CC2D2B: variants seen among roughly 807,000 people sequenced by gnomAD.
CC2D2B encodes the protein protein CC2D2B.
A neutral mutation model predicts 161.2 loss-of-function variants in CC2D2B; 128 were observed. The observed-to-expected ratio is 0.79, with a 90% confidence interval of 0.69 to 0.92. CC2D2B has a LOEUF of 0.92. Ranked by LOEUF, CC2D2B falls within the 40% of genes least tolerant of loss-of-function variation. CC2D2B has a pLI of 0.00. For missense variants in CC2D2B, 1,173 were observed against 1,375.1 expected, an observed-to-expected ratio of 0.85 and a Z score of 2.32; for synonymous variants, 391 against 449.8, an observed-to-expected ratio of 0.87 and a Z score of 1.65.
intron 24 of CC2D2B, among the ~76,000 whole-genome samples, chr10:95,997,289 T>C (rs1452841610): frequency 1.3e-5 from 2 of 152,230 alleles, no homozygotes; most frequent in African/African-American, 4.8e-5. Context: ...ACAAGCAATA[T>C]TGCTTTGAAC....
At chr10:95,993,952 GTA>G (rs1169560460) in intron 22 of CC2D2B, among the ~76,000 whole-genome samples, 63 of 18,150 alleles carry the variant, frequency 3.5e-3, no homozygotes, top group Non-Finnish European at 5.8e-3. Context: ...GTATGTATGT[GTA>G]TATATATATA....
chr10:95,981,350 G>A (rs753256634), intron 17 of CC2D2B, among the ~76,000 whole-genome samples: 19 of 140,734 alleles, frequency 1.4e-4, no homozygotes, highest in Admixed American at 5.4e-4. Context: ...CCGGGATCGC[G>A]CCACCGCACT....
At chr10:96,022,080 G>T (rs1374363071) in intron 32 of CC2D2B, among the ~76,000 whole-genome samples, 1 of 152,202 alleles carries the variant, frequency 6.6e-6, no homozygotes, top group Non-Finnish European at 1.5e-5. Context: ...CACTTTGGGA[G>T]GCTGAGGCAG....
Position 96,019,715 on chromosome 10 carries a change from T to G in CC2D2B, c.3779T>G (p.Ile1260Ser), listed in dbSNP as rs764293033. Residue 1260 changes from isoleucine to serine, a missense_variant, in exon 32 of 35, where the codon ATT becomes AGT. Physicochemically the swap from Ile to Ser is moderately radical, Grantham distance 142 (BLOSUM62 -2). Transcript: ENST00000646931. The stretch of plus-strand genomic sequence containing the variant: ...ATGTTTTCATAGGTCTGGTTTAATA[T>G]TCAACAAAATAATACACCAATGGCT... ...LFDDRNVWFN[I>S]QQNNTPMAVF... is the part of the protein sequence containing the mutation. 6.8e-5 allele frequency: 108 copies of G among 1,592,708 alleles called. 1 individual carries two copies. In the South Asian group the frequency reaches 1.2e-3, roughly 17 times the overall value.
chr10:96,029,280 A>ATG (rs2079946387), intron 34 of CC2D2B, among the ~76,000 whole-genome samples: 4 of 50,940 alleles, frequency 7.9e-5, no homozygotes, highest in East Asian at 1.2e-3. Flanking sequence ...ATATATATAT[A>ATG]TATATGTATA....
Position 95,972,121 on chromosome 10 carries a change from C to A in CC2D2B, c.1700C>A (p.Pro567His). The change falls in exon 16 of 35, where the codon CCT becomes CAT. Residue 567 changes from proline (P) to histidine (H), a missense_variant. Transcript: ENST00000646931. ...SLLAKLYIPL[P>H]NYTELKGKTA... ...CTGGCAAAACTATATATACCTTTAC[C>A]TAACTACACAGAGCTGAAAGGCAAA... The A allele has an allele frequency of 8.1e-7, 1 of 1,231,094 alleles. No homozygotes were observed. Among genetic ancestry groups the A allele is most frequent in the Non-Finnish European group, 1.0e-6 (1 of 987,112 alleles). 76.3% of individuals were successfully genotyped at this position (1,231,094 alleles called of 1,614,324 possible).
At chr10:95,975,686 C>A (rs116900361) in intron 17 of CC2D2B, among the ~76,000 whole-genome samples, 2,835 of 152,262 alleles carry the variant, frequency 0.019, 37 homozygotes, top group Middle Eastern at 0.054. Context: ...GAAACTCTCT[C>A]TTCCTCAACT....
intron 11 of CC2D2B, among the ~76,000 whole-genome samples, chr10:95,961,307 C>T (rs185417927): frequency 9.9e-5 from 15 of 152,238 alleles, no homozygotes; most frequent in African/African-American, 3.1e-4. Flanking sequence ...GCAGGCAGAT[C>T]GCTTGAGGTC....
intron 31 of CC2D2B, 49 bp downstream of exon 31, chr10:96,019,386 C>T: frequency 1.3e-6 from 2 of 1,510,768 alleles, no homozygotes; most frequent in South Asian, 1.2e-5. Flanking sequence ...CTAGAGTCAC[C>T]CTGGCTACAC....
chr10:95,949,548 C>T (rs1237392445), intron 9 of CC2D2B, among the ~76,000 whole-genome samples: 2 of 120,350 alleles, frequency 1.7e-5, no homozygotes, highest in Non-Finnish European at 3.4e-5. Flanking sequence ...GGGAGATATA[C>T]CTAATGCTAG....
At chr10:96,022,993 G>A (rs2079537627) in intron 32 of CC2D2B, among the ~76,000 whole-genome samples, 1 of 152,154 alleles carries the variant, frequency 6.6e-6, no homozygotes. Flanking sequence ...AACAGCGAAT[G>A]GGAAGACCTT....
chr10:95,968,698 G>A, intron 14 of CC2D2B, 26 bp from the exon 15 acceptor site: 1 of 1,033,308 alleles, frequency 9.7e-7, no homozygotes, highest in Non-Finnish European at 1.2e-6. Flanking sequence ...TTTTAAGGGT[G>A]ATTTAAAGGT....
intron 20 of CC2D2B, among the ~76,000 whole-genome samples, chr10:95,990,720 C>G (rs959937934): frequency 1.1e-4 from 16 of 152,150 alleles, no homozygotes; most frequent in African/African-American, 3.9e-4. Context: ...AGAAAATTGC[C>G]TCCAGACATG....
chr10:95,933,985 G>A (rs375250688), intron 6 of CC2D2B, among the ~76,000 whole-genome samples: 9 of 152,294 alleles, frequency 5.9e-5, no homozygotes, highest in South Asian at 2.1e-4. Flanking sequence ...GCCCACAGCC[G>A]CCCCTTCCCC....
At position 95,996,096 on chromosome 10, in the gene CC2D2B, T is replaced by C. The variant is rs868569699; in HGVS notation, c.2740-47T>C. The C allele has an allele frequency of 2.0e-5, 17 of 855,260 alleles. No homozygotes were observed. The Middle Eastern group carries it at 2.1e-3, about 106-fold the overall frequency. 53.0% of individuals were successfully genotyped at this position (855,260 alleles called of 1,614,324 possible). The stretch of plus-strand genomic sequence containing the variant: ...TTCCTAGGCCTCTACCTTTATCGAC[T>C]ATATATAGTATTTCAAAATCTAGTC... On this transcript the variant is annotated intron_variant, in intron 23 of 34. Coordinates refer to ENST00000646931, the MANE Select transcript of CC2D2B (RefSeq NM_001349008.3).
chr10:95,972,084 A>T lies in CC2D2B; in HGVS notation c.1663A>T (p.Arg555Trp). 1 of 1,229,566 alleles carries T rather than the reference A, an allele frequency of 8.1e-7. No homozygotes were observed. The highest frequency in any genetic ancestry group is 1.0e-6 in the Non-Finnish European group (1 of 985,736). 76.2% of individuals were successfully genotyped at this position (1,229,566 alleles called of 1,614,324 possible). A position where few individuals can be genotyped will look rare whatever the true frequency, so the allele number is the denominator to read the frequency against. ...ICLEVYEKSKRTSLLAKLYIP... is the reference protein window; with the variant it reads ...ICLEVYEKSKWTSLLAKLYIP... ...TATTTAGGTTTATGAAAAAAGTAAAAGGACAAGCTTACTGGCAAAACTATA... is the reference window on the plus strand; with the variant it reads ...TATTTAGGTTTATGAAAAAAGTAAATGGACAAGCTTACTGGCAAAACTATA... Residue 555 changes from arginine (R) to tryptophan (W), a missense_variant, in exon 16 of 35, where the codon AGG becomes TGG. Physicochemically the swap from Arg to Trp is moderately radical, Grantham distance 101 (BLOSUM62 -3). Around this residue, in one of 3 missense-constraint regions of CC2D2B, gnomAD observed 277 missense variants for 420.6 expected, o/e 0.66. Coordinates refer to ENST00000646931, the MANE Select transcript of CC2D2B (RefSeq NM_001349008.3).
chr10:95,934,865 G>GTTTGTTTGT (rs112996106), intron 6 of CC2D2B, among the ~76,000 whole-genome samples: 2 of 150,738 alleles, frequency 1.3e-5, no homozygotes, highest in African/African-American at 4.9e-5. Flanking sequence ...TTTTTTGTTT[G>GTTTGTTTGT]TTTGTTTTGT....
At chr10:95,987,530 A>G (rs2077778661) in intron 19 of CC2D2B, among the ~76,000 whole-genome samples, 1 of 152,152 alleles carries the variant, frequency 6.6e-6, no homozygotes, top group Non-Finnish European at 1.5e-5. Context: ...GTCTTTAATA[A>G]TATCTATAAT....
chr10:95,997,836 A>C (rs2078290456), intron 24 of CC2D2B, among the ~76,000 whole-genome samples: 1 of 152,206 alleles, frequency 6.6e-6, no homozygotes, highest in Non-Finnish European at 1.5e-5. Flanking sequence ...GTTTTCTAGG[A>C]TATGTGTTCA....
Sources: allele counts gnomAD v4.1 joint callset (sites outside exome capture counted in the v4.1 genomes callset), GRCh38; gene constraint gnomAD v4.1.1; regional missense constraint gnomAD v4.1.1; transcripts MANE v1.5; gene names NCBI Gene and HGNC (gene_info 2026-07-23, HGNC 2026-07-21).